The following CFAP58 variants were observed in gnomAD, a reference collection of about 807,000 sequenced individuals.
The protein encoded by CFAP58 is cilia and flagella associated protein 58.
In CFAP58, 88 loss-of-function variants were observed where a neutral mutation model predicts 119.5. The observed-to-expected ratio is 0.74, with a 90% confidence interval of 0.62 to 0.88. The LOEUF is 0.88. Among genes scored for constraint, CFAP58 ranks in the 40% least tolerant of loss-of-function variants. The pLI, the probability that CFAP58 is intolerant of heterozygous loss-of-function variation, is 0.00. For synonymous variants in CFAP58, 365 were observed against 366.3 expected, an observed-to-expected ratio of 1.00 and a Z score of 0.04; for missense variants, 990 against 1,021.2, an observed-to-expected ratio of 0.97 and a Z score of 0.42.
chr10:104,393,285 G>A (rs1253067491), intron 10 of CFAP58, 44 bp from the exon 11 acceptor site: 11 of 1,568,752 alleles, frequency 7.0e-6, no homozygotes, highest in Non-Finnish European at 9.6e-6. Flanking sequence ...TAGGGACGAT[G>A]ATGTCTAATT....
At chr10:104,340,941 C>G in the CFAP58 span, among the ~76,000 whole-genome samples, 2 of 152,304 alleles carry the variant, frequency 1.3e-5, no homozygotes, top group African/African-American at 4.8e-5. Context: ...GGGAAGGAAA[C>G]TTGTGGTTTA....
Position 104,380,082 on chromosome 10 carries a change from C to T in CFAP58, c.1227C>T (p.Leu409=), listed in dbSNP as rs1359101219. The change falls in exon 9 of 18, where the codon CTC becomes CTT. Residue 409 remains leucine (L), a synonymous_variant. Coordinates refer to ENST00000369704, the MANE Select transcript of CFAP58 (RefSeq NM_001008723.2). ...AGAAGCAGACAGACTTGGTAAAGCTCCATGAACAAGCCAAGAGGAACCTGG... is the reference window on the plus strand; with the variant it reads ...AGAAGCAGACAGACTTGGTAAAGCTTCATGAACAAGCCAAGAGGAACCTGG... ...ATQKQTDLVK[L]HEQAKRNLEG... The T allele has an allele frequency of 1.2e-6, 2 of 1,613,936 alleles. No homozygotes were observed. Among genetic ancestry groups the T allele is most frequent in the African/African-American group, 1.3e-5 (1 of 74,876 alleles).
chr10:104,452,058 T>A (rs558656402), intron 17 of CFAP58, among the ~76,000 whole-genome samples: 3 of 152,286 alleles, frequency 2.0e-5, no homozygotes, highest in African/African-American at 7.2e-5. Flanking sequence ...TTTTTGAACT[T>A]GCAGATCCCC....
intron 15 of CFAP58, among the ~76,000 whole-genome samples, chr10:104,427,595 A>T (rs895578577): frequency 1.3e-5 from 2 of 152,184 alleles, no homozygotes; most frequent in Non-Finnish European, 2.9e-5. Flanking sequence ...TCTCTAACAC[A>T]CACTCACAAC....
intron 11 of CFAP58, 134 bp downstream of exon 11, chr10:104,393,609 A>C: frequency 1.3e-6 from 1 of 761,482 alleles, no homozygotes; most frequent in Non-Finnish European, 2.1e-6. Context: ...TAGTTACCCA[A>C]ACCAAGCACA....
intron 1 of CFAP58, among the ~76,000 whole-genome samples, chr10:104,355,426 A>G (rs778128135): frequency 6.6e-6 from 1 of 151,960 alleles, no homozygotes. Context: ...AGTTATTTCC[A>G]TTTCCCTCTT....
At chr10:104,426,497 C>T (rs1372958759) in intron 15 of CFAP58, among the ~76,000 whole-genome samples, 1 of 151,668 alleles carries the variant, frequency 6.6e-6, no homozygotes, top group Non-Finnish European at 1.5e-5. Flanking sequence ...GAAGCTTGGA[C>T]CTTAAGACTG....
At position 104,453,444 on chromosome 10, in the gene CFAP58, C is replaced by T. The variant is rs548424105; in HGVS notation, c.2511-978C>T. ...AAATAGCAACTCTTATCATTTTGTACCTTTTACCTTCTTTTGTTTTTCTTA... is the reference window on the plus strand; with the variant it reads ...AAATAGCAACTCTTATCATTTTGTATCTTTTACCTTCTTTTGTTTTTCTTA... On this transcript the variant is annotated intron_variant, in intron 17 of 17. Coordinates refer to ENST00000369704, the MANE Select transcript of CFAP58 (RefSeq NM_001008723.2). Among the ~76,000 whole-genome samples the T allele has an allele frequency of 2.0e-5, 3 of 152,144 alleles. No homozygotes were observed. The South Asian group carries it at 6.2e-4, about 31-fold the overall frequency.
rs1023122 is a variant in CFAP58 at position 104,403,667 on chromosome 10, A to C, written c.2040-62A>C. ...ACATAGTGTGTATGCAACTAATTAA[A>C]GATAGATAGGATATTCAAACGGGTG... On this transcript the variant is annotated intron_variant, in intron 13 of 17. Transcript: ENST00000369704. The C allele has an allele frequency of 0.014, 15,455 of 1,131,708 alleles. 776 individuals are homozygous for C. The East Asian group carries it at 0.15, about 11-fold the overall frequency. The allele number at this position is 1,131,708 out of a possible 1,614,324, so 70.1% of individuals were successfully genotyped here.
At chr10:104,383,560 A>G (rs571462899) in intron 9 of CFAP58, among the ~76,000 whole-genome samples, 1 of 152,326 alleles carries the variant, frequency 6.6e-6, no homozygotes, top group East Asian at 1.9e-4. Flanking sequence ...ATATTTAACC[A>G]CACATAATGT....
chr10:104,421,316 C>A (rs181527306), intron 15 of CFAP58, among the ~76,000 whole-genome samples: 10 of 152,272 alleles, frequency 6.6e-5, no homozygotes, highest in African/African-American at 2.2e-4. Flanking sequence ...TTCCACCTCT[C>A]CACACCCATG....
chr10:104,402,539 G>A lies in CFAP58; in HGVS notation c.2040-1190G>A, dbSNP rs1449840564. Among the ~76,000 whole-genome samples, 3 of 152,184 alleles carry A rather than the reference G, an allele frequency of 2.0e-5. No homozygotes were observed. The East Asian group carries it at 5.8e-4, about 29-fold the overall frequency. On this transcript the variant is annotated intron_variant, in intron 13 of 17. Coordinates refer to ENST00000369704, the MANE Select transcript of CFAP58 (RefSeq NM_001008723.2). Reference sequence around the variant, plus strand: ...ATCCTTATTGCCCATGTCAATGCAAGTGCTTGCTTCTTCTCTGCCTCCCAA... The same window carrying A: ...ATCCTTATTGCCCATGTCAATGCAAATGCTTGCTTCTTCTCTGCCTCCCAA...
At chr10:104,395,827 G>T (rs1049317170) in intron 11 of CFAP58, among the ~76,000 whole-genome samples, 1 of 152,172 alleles carries the variant, frequency 6.6e-6, no homozygotes, top group African/African-American at 2.4e-5. Context: ...GCAAGCCTTT[G>T]CCTGCTAGGT....
upstream of CFAP58, chr10:104,353,611 C>A (rs2014495496): frequency 1.3e-5 from 6 of 455,124 alleles, no homozygotes; most frequent in South Asian, 3.7e-5. Context: ...TCAGGGGCAC[C>A]GCCCCCTCAC....
chr10:104,396,369 T>TGAGAGAGAGAGAGAGAGAGA lies in CFAP58; in HGVS notation c.1675-2940_1675-2921dup, dbSNP rs57210958. ...GCCATGGATAGGGAGCTGTTATCCA[T>TGAGAGAGAGAGAGAGAGAGA]GAGAGAGAGAGAGAGAGAGAGAGAG... On this transcript the variant is annotated intron_variant, in intron 11 of 17. Transcript: ENST00000369704. 1.0e-3 allele frequency among the ~76,000 whole-genome samples: 88 copies of TGAGAGAGAGAGAGAGAGAGA among 86,878 alleles called. 4 individuals are homozygous for TGAGAGAGAGAGAGAGAGAGA. The highest frequency in any genetic ancestry group is 1.6e-3 in the Admixed American group (11 of 6,688). The allele number at this position is 86,878 out of a possible 152,430, so 57.0% of individuals were successfully genotyped here. A position where few individuals can be genotyped will look rare whatever the true frequency, so the allele number is the denominator to read the frequency against.
chr10:104,383,438 A>G (rs2011857529), intron 9 of CFAP58, among the ~76,000 whole-genome samples: 1 of 152,178 alleles, frequency 6.6e-6, no homozygotes, highest in Non-Finnish European at 1.5e-5. Context: ...ATAAGTGGTA[A>G]AAAGAATGCT....
At chr10:104,414,160 C>A (rs1478313409) in intron 15 of CFAP58, among the ~76,000 whole-genome samples, 3 of 152,160 alleles carry the variant, frequency 2.0e-5, no homozygotes, top group African/African-American at 7.2e-5. Flanking sequence ...CAGCTAATGG[C>A]AGGCTGATTT....
chr10:104,390,343 G>A (rs1049435829), intron 9 of CFAP58, among the ~76,000 whole-genome samples: 3 of 152,112 alleles, frequency 2.0e-5, no homozygotes, highest in Non-Finnish European at 4.4e-5. Flanking sequence ...ATTATTTGAT[G>A]ATAAAAAGGA....
Position 104,454,657 on chromosome 10 carries a change from A to G in CFAP58, c.*127A>G. ...GAATCCAGGATGGAAAGAAATGCAGAACTATCATAGTCACATACATATAAG... is the reference window on the plus strand; with the variant it reads ...GAATCCAGGATGGAAAGAAATGCAGGACTATCATAGTCACATACATATAAG... On this transcript the variant is annotated 3_prime_UTR_variant, in exon 18 of 18. Coordinates refer to ENST00000369704, the MANE Select transcript of CFAP58 (RefSeq NM_001008723.2). 2 of 694,148 alleles carry G rather than the reference A, an allele frequency of 2.9e-6. No homozygotes were observed. Among genetic ancestry groups the G allele is most frequent in the Non-Finnish European group, 5.1e-6 (2 of 391,320 alleles). 43.0% of individuals were successfully genotyped at this position (694,148 alleles called of 1,614,324 possible).
Sources: allele counts gnomAD v4.1 joint callset (sites outside exome capture counted in the v4.1 genomes callset), GRCh38; gene constraint gnomAD v4.1.1; transcripts MANE v1.5; gene names NCBI Gene and HGNC (gene_info 2026-07-23, HGNC 2026-07-21).